Variants in C5 observed in about 807,000 individuals in gnomAD.
C5 encodes complement C5, also known as C3 and PZP-like alpha-2-macroglobulin domain-containing protein 4.
A neutral mutation model predicts 218.8 loss-of-function variants in C5; 140 were observed. That is an observed-to-expected ratio of 0.64 (90% CI 0.56 to 0.74). C5 has a LOEUF of 0.74. Among genes scored for constraint, C5 ranks in the 30% least tolerant of loss-of-function variants. C5 has a pLI of 0.00. For synonymous variants in C5, 614 were observed against 682.3 expected, an observed-to-expected ratio of 0.90 and a Z score of 1.56; for missense variants, 1,700 against 1,969.6, an observed-to-expected ratio of 0.86 and a Z score of 2.59.
chr9:121,015,635 C>A (rs1431283222), intron 15 of C5, among the ~76,000 whole-genome samples: 2 of 151,978 alleles, frequency 1.3e-5, no homozygotes, highest in Non-Finnish European at 2.9e-5. Flanking sequence ...ACTATGAATA[C>A]CACAGTATCA....
intron 7 of C5, among the ~76,000 whole-genome samples, chr9:121,027,524 C>T (rs1395696494): frequency 1.3e-5 from 2 of 152,086 alleles, no homozygotes; most frequent in African/African-American, 4.8e-5. Context: ...GAACAGAGGC[C>T]TCAGAAATAA....
chr9:121,038,172 T>C (rs560644842), intron 3 of C5, among the ~76,000 whole-genome samples: 143 of 152,342 alleles, frequency 9.4e-4, no homozygotes, highest in African/African-American at 3.3e-3. Flanking sequence ...ACTATTTCTC[T>C]TAGTGGATTT....
At chr9:120,999,147 C>T (rs927788868) in intron 20 of C5, among the ~76,000 whole-genome samples, 2 of 151,846 alleles carry the variant, frequency 1.3e-5, no homozygotes, top group African/African-American at 4.8e-5. Context: ...ACTTTTGAAA[C>T]TGATAGAAAA....
intron 19 of C5, 64 bp from the exon 20 acceptor site, chr9:121,006,122 A>G: frequency 6.4e-7 from 1 of 1,552,246 alleles, no homozygotes. Context: ...TTTTATTGGT[A>G]TTAAAATTTC....
chr9:121,053,888 A>G (rs1362634864), upstream of C5, among the ~76,000 whole-genome samples: 1 of 152,136 alleles, frequency 6.6e-6, no homozygotes, highest in Non-Finnish European at 1.5e-5. Context: ...CAGAGGGAGA[A>G]ACCCAGGTCA....
chr9:120,992,975 C>G (rs532338237), intron 22 of C5, among the ~76,000 whole-genome samples: 1 of 152,110 alleles, frequency 6.6e-6, no homozygotes, highest in African/African-American at 2.4e-5. Context: ...AAGGATAACC[C>G]AAATAGAAAA....
chr9:121,055,946 T>C, the C5 span, among the ~76,000 whole-genome samples: 4 of 152,228 alleles, frequency 2.6e-5, no homozygotes, highest in Admixed American at 6.5e-5. Flanking sequence ...CTTTGCCTGG[T>C]AACCCAGGGA....
chr9:121,072,985 A>G, the C5 span, among the ~76,000 whole-genome samples: 18 of 152,302 alleles, frequency 1.2e-4, no homozygotes, highest in East Asian at 3.3e-3. Context: ...CATTTAAGTA[A>G]AAGGAAAAGG....
intron 18 of C5, among the ~76,000 whole-genome samples, 173 bp from the exon 19 acceptor site, chr9:121,007,150 C>T (rs551559114): frequency 2.2e-4 from 34 of 152,314 alleles, no homozygotes; most frequent in Middle Eastern, 3.4e-3. Flanking sequence ...TATTCAGTAA[C>T]TCTCTTATAT....
intron 17 of C5, among the ~76,000 whole-genome samples, chr9:121,013,191 G>T (rs2047276850): frequency 6.6e-6 from 1 of 151,886 alleles, no homozygotes; most frequent in Non-Finnish European, 1.5e-5. Context: ...GTGGTGGCAG[G>T]CGCCTTTAAT....
intron 31 of C5, among the ~76,000 whole-genome samples, chr9:120,971,325 T>A (rs2131682604): frequency 6.6e-6 from 1 of 151,960 alleles, no homozygotes; most frequent in South Asian, 2.1e-4. Flanking sequence ...TGTACACAGA[T>A]ATATGTATAT....
chr9:120,971,881 A>G (rs1564135336), intron 31 of C5, 49 bp downstream of exon 31: 2 of 1,376,486 alleles, frequency 1.5e-6, no homozygotes, highest in South Asian at 1.2e-5. Flanking sequence ...TATGTTACCT[A>G]GTACAAATGG....
intron 9 of C5, among the ~76,000 whole-genome samples, chr9:121,024,630 T>C (rs1044658292): frequency 6.6e-6 from 1 of 152,134 alleles, no homozygotes; most frequent in Non-Finnish European, 1.5e-5. Context: ...TTTCACCCTG[T>C]CTAGCAACTC....
chr9:120,994,687 T>C (rs17292882), intron 22 of C5, among the ~76,000 whole-genome samples: 3,508 of 151,882 alleles, frequency 0.023, 73 homozygotes, highest in Non-Finnish European at 0.039. Context: ...TCTGCAGAAA[T>C]CAGGAAAGCT....
At chr9:120,976,638 G>T in intron 29 of C5, 62 bp downstream of exon 29, 1 of 1,328,422 alleles carries the variant, frequency 7.5e-7, no homozygotes, top group Non-Finnish European at 1.1e-6. Flanking sequence ...GGCCAGATGA[G>T]TGTGGTGGGG....
At chr9:120,992,422 G>T (rs1020785094) in intron 22 of C5, among the ~76,000 whole-genome samples, 1 of 152,188 alleles carries the variant, frequency 6.6e-6, no homozygotes, top group Non-Finnish European at 1.5e-5. Flanking sequence ...CAGTTAAATG[G>T]AGATAACAAC....
At chr9:120,977,445 CT>C in intron 28 of C5, among the ~76,000 whole-genome samples, 1 of 152,114 alleles carries the variant, frequency 6.6e-6, no homozygotes, top group South Asian at 2.1e-4. Flanking sequence ...AACACTCAAC[CT>C]ATTTTTTGTT....
At chr9:121,033,107 A>G (rs1006462054) in intron 5 of C5, among the ~76,000 whole-genome samples, 1 of 151,934 alleles carries the variant, frequency 6.6e-6, no homozygotes, top group South Asian at 2.1e-4. Context: ...TACTGAGCCT[A>G]CCTTGCAGAT....
chr9:121,070,448 A>G, the C5 span, among the ~76,000 whole-genome samples: 11 of 113,374 alleles, frequency 9.7e-5, no homozygotes, highest in East Asian at 2.4e-3. Context: ...CTGTATGTGT[A>G]TATATATATG....
Sources: gnomAD v4.1 joint callset for allele counts (sites outside exome capture counted in the v4.1 genomes callset) on GRCh38, gnomAD v4.1.1 for gene constraint, MANE v1.5 for transcripts, NCBI Gene and HGNC (gene_info 2026-07-23, HGNC 2026-07-21) for gene names.